The following RPTOR variants were observed in gnomAD, a reference collection of about 807,000 sequenced individuals.
RPTOR encodes regulatory-associated protein of mTOR.
Under a neutral mutation model 169.9 loss-of-function variants are expected in RPTOR, and 21 were observed. The observed-to-expected ratio is 0.12, with a 90% CI of 0.09 to 0.18. The LOEUF (loss-of-function observed/expected upper bound fraction) is 0.18, where lower values mean the gene tolerates loss of function less well. Among genes scored for constraint, RPTOR ranks in the 10% least tolerant of loss-of-function variants. The pLI, the probability that RPTOR is intolerant of heterozygous loss-of-function variation, is 1.00. For missense variants in RPTOR, 1,133 were observed against 1,855.9 expected (o/e 0.61, Z 7.16); for synonymous variants, 732 against 753.2 (o/e 0.97, Z 0.46).
At chr17:80,782,429 G>A (rs1432911089) in intron 6 of RPTOR, among the ~76,000 whole-genome samples, 1 of 151,644 alleles carries the variant, frequency 6.6e-6, no homozygotes, top group Non-Finnish European at 1.5e-5. Flanking sequence ...GAGTTTTATG[G>A]GTTTGCCACA....
At chr17:80,961,826 T>C in intron 31 of RPTOR, 1 of 283,260 alleles carries the variant, frequency 3.5e-6, no homozygotes, top group East Asian at 6.7e-5. Context: ...GGCAGTTGTC[T>C]GCACATAAAT....
At chr17:80,608,992 C>T (rs910346364) in intron 1 of RPTOR, among the ~76,000 whole-genome samples, 1 of 152,110 alleles carries the variant, frequency 6.6e-6, no homozygotes, top group Non-Finnish European at 1.5e-5. Context: ...GGAGGTGTTA[C>T]AATGACAAGA....
intron 3 of RPTOR, among the ~76,000 whole-genome samples, chr17:80,683,205 C>G (rs1254506692): frequency 6.6e-6 from 1 of 152,216 alleles, no homozygotes; most frequent in Non-Finnish European, 1.5e-5. Flanking sequence ...GATGGCACTT[C>G]ATCCTCCTCA....
intron 6 of RPTOR, among the ~76,000 whole-genome samples, chr17:80,787,063 A>G (rs1316953193): frequency 6.6e-6 from 1 of 152,170 alleles, no homozygotes; most frequent in African/African-American, 2.4e-5. Context: ...ATGCACACGC[A>G]CCTGCCGCCC....
chr17:80,675,589 C>T (rs1466648266), intron 3 of RPTOR, among the ~76,000 whole-genome samples: 1 of 152,226 alleles, frequency 6.6e-6, no homozygotes, highest in East Asian at 1.9e-4. Context: ...GGGCCTTGGG[C>T]GTTGCCTCCT....
intron 24 of RPTOR, among the ~76,000 whole-genome samples, chr17:80,929,513 G>A (rs367608651): frequency 3.0e-4 from 46 of 152,348 alleles, no homozygotes; most frequent in African/African-American, 1.1e-3. Flanking sequence ...GCTGTTGGGA[G>A]GCATCACACG....
intron 20 of RPTOR, among the ~76,000 whole-genome samples, chr17:80,899,345 A>T (rs1161314587): frequency 6.6e-6 from 1 of 152,276 alleles, no homozygotes; most frequent in Non-Finnish European, 1.5e-5. Context: ...AGCCTGCAAG[A>T]GTCTTTTAAA....
chr17:80,569,449 C>T (rs1030137203), intron 1 of RPTOR, among the ~76,000 whole-genome samples: 7 of 151,800 alleles, frequency 4.6e-5, no homozygotes, highest in Non-Finnish European at 1.0e-4. Flanking sequence ...CGCTTGAACC[C>T]GGGAGGTGGA....
intron 16 of RPTOR, among the ~76,000 whole-genome samples, chr17:80,884,201 G>A (rs1337002013): frequency 2.0e-5 from 3 of 152,198 alleles, no homozygotes; most frequent in Non-Finnish European, 2.9e-5. Flanking sequence ...AGCTGCAAGC[G>A]GGGGTCCCAG....
intron 5 of RPTOR, among the ~76,000 whole-genome samples, chr17:80,742,619 A>G: frequency 6.9e-6 from 1 of 145,554 alleles, no homozygotes; most frequent in Non-Finnish European, 1.5e-5. Context: ...CCACACACAT[A>G]CACACGCACA....
At chr17:80,713,672 C>T (rs1472562850) in intron 4 of RPTOR, among the ~76,000 whole-genome samples, 1 of 152,036 alleles carries the variant, frequency 6.6e-6, no homozygotes, top group Non-Finnish European at 1.5e-5. Context: ...CTCTATTAAT[C>T]AGAGAAAATA....
chr17:80,844,144 G>A lies in RPTOR; in HGVS notation c.1213-2329G>A, dbSNP rs1212966163. Among the ~76,000 whole-genome samples the A allele has an allele frequency of 2.0e-5, 3 of 152,160 alleles. No homozygotes were observed. The highest frequency in any genetic ancestry group is 2.1e-4 in the South Asian group (1 of 4,828). On this transcript the variant is annotated intron_variant, in intron 10 of 33. Coordinates refer to ENST00000306801, the MANE Select transcript of RPTOR (RefSeq NM_020761.3). This position sits in a 1 kb window ranked among gnomAD's most constrained non-coding sequence, Gnocchi z 4.7. ...TGAATCATGGGTGGAGACACGGGCC[G>A]CTCTCGAGATGTTTTCCGGAATATC...
At chr17:80,922,625 G>A in intron 21 of RPTOR, 99 bp from the exon 22 acceptor site, 8 of 988,622 alleles carry the variant, frequency 8.1e-6, no homozygotes, top group Middle Eastern at 2.0e-4. Flanking sequence ...GGCCTTTTCT[G>A]TGATTCTGAA....
chr17:80,912,739 C>T (rs868647457), intron 21 of RPTOR, among the ~76,000 whole-genome samples: 2 of 152,180 alleles, frequency 1.3e-5, no homozygotes, highest in Admixed American at 6.5e-5. Flanking sequence ...TAAGCACCTG[C>T]GTCTGCCTTT....
chr17:80,877,023 TC>T (rs765717323), intron 13 of RPTOR, among the ~76,000 whole-genome samples: 35 of 126,900 alleles, frequency 2.8e-4, no homozygotes, highest in East Asian at 1.1e-3. Flanking sequence ...TGCTGGGTCT[TC>T]CCACCGAGCC....
At chr17:80,884,123 G>A in intron 16 of RPTOR, 151 bp downstream of exon 16, 1 of 804,298 alleles carries the variant, frequency 1.2e-6, no homozygotes, top group South Asian at 1.8e-5. Context: ...GGACCTTGGT[G>A]AGAAGAGAAC....
intron 1 of RPTOR, among the ~76,000 whole-genome samples, chr17:80,600,035 T>G (rs1226806362): frequency 1.3e-5 from 2 of 152,288 alleles, no homozygotes; most frequent in African/African-American, 4.8e-5. Context: ...TCCGGCAAAA[T>G]GCATCTGGAC....
intron 3 of RPTOR, among the ~76,000 whole-genome samples, chr17:80,683,176 G>A (rs565350643): frequency 5.3e-5 from 8 of 152,228 alleles, no homozygotes; most frequent in South Asian, 2.1e-4. Flanking sequence ...AGCGGACCCC[G>A]GACTACACAC....
intron 1 of RPTOR, among the ~76,000 whole-genome samples, chr17:80,546,177 A>G (rs2084272106): frequency 6.6e-6 from 1 of 152,252 alleles, no homozygotes; most frequent in Non-Finnish European, 1.5e-5. Flanking sequence ...TTTTTAAAAT[A>G]TCCAAGCTGG....
Sources: gnomAD v4.1 joint callset for allele counts (sites outside exome capture counted in the v4.1 genomes callset) on GRCh38, gnomAD v4.1.1 for gene constraint, Gnocchi (gnomAD v3.1) non-coding constraint, MANE v1.5 for transcripts, NCBI Gene and HGNC (gene_info 2026-07-23, HGNC 2026-07-21) for gene names.